Variants in IRAG2 observed in about 807,000 individuals in gnomAD.
IRAG2 encodes inositol 1,4,5-triphosphate receptor associated 2.
In IRAG2, 45 loss-of-function variants were observed where a neutral mutation model predicts 69.9. The ratio of observed to expected loss-of-function variants is 0.64; its 90% CI spans 0.51 to 0.83. The LOEUF (loss-of-function observed/expected upper bound fraction) is 0.83. Ranked by LOEUF, IRAG2 falls within the 40% of genes least tolerant of loss-of-function variation. The pLI is 0.00. For synonymous variants in IRAG2, 193 were observed against 202.4 expected, an observed-to-expected ratio of 0.95 and a Z score of 0.40; for missense variants, 520 against 587.0, an observed-to-expected ratio of 0.89 and a Z score of 1.18.
At chr12:25,046,141 GA>G (rs1244381480) in intron 16 of IRAG2, among the ~76,000 whole-genome samples, 4 of 152,000 alleles carry the variant, frequency 2.6e-5, no homozygotes, top group African/African-American at 9.7e-5. Context: ...TATAGGTGCA[GA>G]AAAAACATTT....
intron 4 of IRAG2, among the ~76,000 whole-genome samples, chr12:25,065,395 A>G (rs1322216485): frequency 6.6e-6 from 1 of 152,098 alleles, no homozygotes; most frequent in African/African-American, 2.4e-5. Context: ...CCTAAACCCT[A>G]TGTTTTTTCT....
chr12:25,080,712 TAG>T (rs1457206448), intron 9 of IRAG2, among the ~76,000 whole-genome samples: 1 of 152,176 alleles, frequency 6.6e-6, no homozygotes, highest in Non-Finnish European at 1.5e-5. Context: ...GGTGCTAAAA[TAG>T]AATAGCCACA....
intron 16 of IRAG2, among the ~76,000 whole-genome samples, chr12:25,038,502 GT>G (rs1944721633): frequency 6.6e-6 from 1 of 152,106 alleles, no homozygotes; most frequent in Non-Finnish European, 1.5e-5. Context: ...AATTAGCTGG[GT>G]GTGGTGGTAA....
At chr12:25,101,044 CT>C (rs111489594) in intron 15 of IRAG2, 133 bp from the exon 16 acceptor site, 7,870 of 606,678 alleles carry the variant, frequency 0.013, 297 homozygotes, top group African/African-American at 0.099. Context: ...AGATGCATGT[CT>C]TTTTAAAAAA....
At chr12:25,075,355 A>C (rs371410063) in intron 6 of IRAG2, among the ~76,000 whole-genome samples, 2 of 152,188 alleles carry the variant, frequency 1.3e-5, no homozygotes, top group South Asian at 2.1e-4. Context: ...ATAAATATTT[A>C]TTAGTAGAAG....
upstream of IRAG2, among the ~76,000 whole-genome samples, chr12:25,048,732 AG>A (rs1483832805): frequency 6.6e-6 from 1 of 152,196 alleles, no homozygotes; most frequent in Admixed American, 6.5e-5. Flanking sequence ...CTCTGATGAT[AG>A]TTTATTTTGC....
intron 5 of IRAG2, among the ~76,000 whole-genome samples, chr12:25,067,264 A>G (rs996959745): frequency 6.6e-6 from 1 of 152,092 alleles, no homozygotes; most frequent in Non-Finnish European, 1.5e-5. Context: ...TCACCAATGG[A>G]GTGTTTTTTC....
chr12:25,079,965 A>G (rs1053610005), intron 9 of IRAG2, among the ~76,000 whole-genome samples: 2 of 152,228 alleles, frequency 1.3e-5, no homozygotes, highest in Non-Finnish European at 2.9e-5. Flanking sequence ...ACACATAAGG[A>G]TGGTATCAAT....
At chr12:24,999,641 A>T (rs1287977722), upstream of IRAG2, among the ~76,000 whole-genome samples, 2 of 152,214 alleles carry the variant, frequency 1.3e-5, no homozygotes, top group Admixed American at 6.5e-5. Context: ...TTATAACCCT[A>T]GAAATAGCAA....
chr12:25,041,533 G>A (rs1222418162), intron 16 of IRAG2, among the ~76,000 whole-genome samples: 2 of 151,910 alleles, frequency 1.3e-5, no homozygotes, highest in Admixed American at 1.3e-4. Context: ...CCAGACTGGA[G>A]AGCAGTGGCA....
At chr12:25,096,025 T>C (rs1948393977) in intron 14 of IRAG2, among the ~76,000 whole-genome samples, 1 of 152,196 alleles carries the variant, frequency 6.6e-6, no homozygotes. Flanking sequence ...TCAAAAGTGG[T>C]TATCCTTCAT....
rs1209785769 is a variant in IRAG2, at chr12:25,004,688, GT to G, written c.349del (p.Ser117LeufsTer18). ...GCAACATACTCTGTTATTCTCACAA[GT>G]TCTGAAAACGTCTCAAAGCCGAAGT... On this transcript the variant is annotated frameshift_variant, in exon 1 of 39. Transcript: ENST00000636465. LOFTEE classifies it high-confidence loss of function. The G allele has an allele frequency of 1.6e-6, 2 of 1,231,976 alleles. No individual in the cohort carries two copies. Among genetic ancestry groups the G allele is most frequent in the Non-Finnish European group, 2.0e-6 (2 of 987,950 alleles). The allele number at this position is 1,231,976 out of a possible 1,614,324, so 76.3% of individuals were successfully genotyped here.
chr12:25,060,043 T>C (rs1029997129), intron 1 of IRAG2, among the ~76,000 whole-genome samples: 1 of 151,962 alleles, frequency 6.6e-6, no homozygotes, highest in Non-Finnish European at 1.5e-5. Context: ...TTAGTGATTT[T>C]AAAAAAAAGT....
chr12:25,051,834 C>T (rs111570352), upstream of IRAG2, among the ~76,000 whole-genome samples: 3 of 152,290 alleles, frequency 2.0e-5, no homozygotes, highest in African/African-American at 7.2e-5. Flanking sequence ...TACCTTTACC[C>T]CATTCCTTTC....
chr12:25,053,548 A>C (rs942727086), intron 1 of IRAG2, among the ~76,000 whole-genome samples: 1 of 152,160 alleles, frequency 6.6e-6, no homozygotes, highest in African/African-American at 2.4e-5. Flanking sequence ...CCAAAAGTAT[A>C]TAAACAGTTA....
intron 14 of IRAG2, among the ~76,000 whole-genome samples, chr12:25,036,160 T>C (rs1038232387): frequency 1.3e-5 from 2 of 152,184 alleles, no homozygotes; most frequent in Non-Finnish European, 2.9e-5. Context: ...CTCTGGATGA[T>C]TGGAGAAATC....
At chr12:24,999,017 A>G in the IRAG2 span, among the ~76,000 whole-genome samples, 2 of 152,348 alleles carry the variant, frequency 1.3e-5, no homozygotes, top group South Asian at 4.1e-4. Context: ...GTACCTCTGT[A>G]TACATCATAT....
At chr12:25,085,557 G>C (rs1025979931) in intron 10 of IRAG2, among the ~76,000 whole-genome samples, 2 of 152,180 alleles carry the variant, frequency 1.3e-5, no homozygotes, top group Admixed American at 6.5e-5. Flanking sequence ...TGCCCACTAA[G>C]GTCTCGGGTT....
chr12:25,066,380 A>G lies in IRAG2; in HGVS notation c.-191A>G. The stretch of plus-strand genomic sequence containing the variant: ...TCTACTGCAGATGCCTTATCTCTGG[A>G]TAGTTTTACAGCAGTTCCAACCCTG... On this transcript the variant is annotated 5_prime_UTR_variant, in exon 5 of 22. Coordinates refer to ENST00000556887, the MANE Select transcript of IRAG2 (RefSeq NM_001366544.2). 2.5e-6 allele frequency: 1 copy of G among 401,090 alleles called. No homozygotes were observed. The highest frequency in any genetic ancestry group is 4.4e-6 in the Non-Finnish European group (1 of 226,188). 24.8% of individuals were successfully genotyped at this position (401,090 alleles called of 1,614,324 possible). A position where few individuals can be genotyped will look rare whatever the true frequency, so the allele number is the denominator to read the frequency against.
Sources: allele counts gnomAD v4.1 joint callset (sites outside exome capture counted in the v4.1 genomes callset), GRCh38; gene constraint gnomAD v4.1.1; transcripts MANE v1.5; gene names NCBI Gene and HGNC (gene_info 2026-07-23, HGNC 2026-07-21).